The following SNX14 variants were observed in gnomAD, a reference collection of about 807,000 sequenced individuals.
The protein encoded by SNX14 is sorting nexin-14.
SNX14 carries 93 observed loss-of-function variants against 133.8 expected under a neutral mutation model. The observed-to-expected ratio is 0.70, with a 90% CI of 0.59 to 0.83. The LOEUF is 0.83. Ranked by LOEUF, SNX14 falls within the 40% of genes least tolerant of loss-of-function variation. The probability of loss-of-function intolerance (pLI) is 0.00; values close to 1 mark genes in which losing one functional copy is unlikely to be tolerated. For synonymous variants in SNX14, 368 were observed against 365.6 expected (o/e 1.01, Z -0.07); for missense variants, 945 against 1,094.9 (o/e 0.86, Z 1.93).
chr6:85,518,439 T>A (rs1255918869), intron 21 of SNX14, among the ~76,000 whole-genome samples: 1 of 152,122 alleles, frequency 6.6e-6, no homozygotes, highest in East Asian at 1.9e-4. Flanking sequence ...TATGCAAAGG[T>A]CAGTCAAAAA....
intron 18 of SNX14, among the ~76,000 whole-genome samples, chr6:85,530,519 C>T (rs1174007669): frequency 2.0e-5 from 3 of 151,932 alleles, no homozygotes; most frequent in East Asian, 3.9e-4. Flanking sequence ...GTGGCAGGCA[C>T]CTGTAGTCCC....
chr6:85,586,662 C>G (rs151134514), intron 1 of SNX14, among the ~76,000 whole-genome samples: 1 of 152,082 alleles, frequency 6.6e-6, no homozygotes, highest in South Asian at 2.1e-4. Context: ...TTCACTGTAG[C>G]CTTGAACTCT....
At chr6:85,523,444 C>T (rs1777530172) in intron 21 of SNX14, among the ~76,000 whole-genome samples, 1 of 152,140 alleles carries the variant, frequency 6.6e-6, no homozygotes, top group South Asian at 2.1e-4. Context: ...ATGAGTTAGA[C>T]ACCAAATAGG....
chr6:85,539,028 G>A (rs190178590), intron 15 of SNX14, among the ~76,000 whole-genome samples, 164 bp from the exon 16 acceptor site: 1 of 152,268 alleles, frequency 6.6e-6, no homozygotes, highest in Non-Finnish European at 1.5e-5. Context: ...CATGAATAAG[G>A]TGATAAAGGT....
Position 85,547,163 on chromosome 6 carries a change from A to C in SNX14, c.1057T>G (p.Phe353Val). 3 of 1,614,100 alleles carry C rather than the reference A, an allele frequency of 1.9e-6. No individual in the cohort carries two copies. The East Asian group carries it at 6.7e-5, about 36-fold the overall frequency. ...TGCACTGCGCCTTCTTGTTTCAGAA[A>C]GTTCATAAAACGAAATAAAAGATCT... The part of the protein sequence containing the change: ...QQDLLFRFMN[F>V]LKQEGAVHVL... The change falls in exon 12 of 29, where the codon TTT (phenylalanine) becomes GTT (valine). Residue 353 changes from phenylalanine to valine, a missense_variant. Phe to Val is a conservative substitution (Grantham distance 50). Coordinates refer to ENST00000314673, the MANE Select transcript of SNX14 (RefSeq NM_153816.6).
chr6:85,509,969 G>A (rs1367593977), intron 26 of SNX14, among the ~76,000 whole-genome samples: 2 of 152,086 alleles, frequency 1.3e-5, no homozygotes, highest in African/African-American at 4.8e-5. Context: ...TTTTCATGAT[G>A]TGACAGCTCA....
At chr6:85,556,045 A>C (rs1279145739) in intron 7 of SNX14, among the ~76,000 whole-genome samples, 3 of 152,080 alleles carry the variant, frequency 2.0e-5, no homozygotes, top group Non-Finnish European at 4.4e-5. Flanking sequence ...GTTAATAATG[A>C]TGTATCAATA....
chr6:85,545,671 G>A (rs1235663189), intron 12 of SNX14, among the ~76,000 whole-genome samples: 1 of 152,064 alleles, frequency 6.6e-6, no homozygotes, highest in Non-Finnish European at 1.5e-5. Context: ...ACTCAGCAAA[G>A]AACAAACTAC....
intron 1 of SNX14, 45 bp from the exon 2 acceptor site, chr6:85,574,423 T>G: frequency 7.2e-7 from 1 of 1,384,814 alleles, no homozygotes; most frequent in African/African-American, 1.5e-5. Flanking sequence ...AGAAAATGCC[T>G]AATTCTAAGT....
intron 21 of SNX14, among the ~76,000 whole-genome samples, chr6:85,522,286 T>G (rs1471096164): frequency 6.6e-6 from 1 of 152,130 alleles, no homozygotes; most frequent in Non-Finnish European, 1.5e-5. Flanking sequence ...GGTCTACTGA[T>G]TTGGTGTTAT....
rs931734526 is a variant in SNX14 at position 85,537,160 on chromosome 6, T to C, written c.1476-236A>G. ...GATGAATAAATGGGACAATATTTAT[T>C]TATAAACACTCAAAATTTACCTAGT... On this transcript the variant is annotated intron_variant, in intron 16 of 28. Coordinates refer to ENST00000314673, the MANE Select transcript of SNX14 (RefSeq NM_153816.6). 4.6e-4 allele frequency: 163 copies of C among 350,616 alleles called. 1 individual carries two copies. Among genetic ancestry groups the C allele is most frequent in the Non-Finnish European group, 1.6e-4 (32 of 196,512 alleles). 21.7% of individuals were successfully genotyped at this position (350,616 alleles called of 1,614,324 possible). A position where few individuals can be genotyped will look rare whatever the true frequency, so the allele number is the denominator to read the frequency against.
chr6:85,580,895 T>A (rs573385329), intron 1 of SNX14, among the ~76,000 whole-genome samples: 1 of 152,238 alleles, frequency 6.6e-6, no homozygotes, highest in Admixed American at 6.5e-5. Flanking sequence ...CTGGATGGCA[T>A]CTCTGGAACC....
intron 1 of SNX14, chr6:85,589,651 T>C (rs1802194104): frequency 6.6e-6 from 1 of 152,296 alleles, no homozygotes; most frequent in Admixed American, 6.5e-5. Flanking sequence ...GTAAGATCCT[T>C]ATGCTGAAAG....
intron 7 of SNX14, among the ~76,000 whole-genome samples, chr6:85,552,526 C>T (rs865992433): frequency 8.5e-5 from 13 of 152,170 alleles, no homozygotes; most frequent in African/African-American, 3.1e-4. Flanking sequence ...ATTGCAGGCA[C>T]CTAAGCTAGC....
intron 1 of SNX14, among the ~76,000 whole-genome samples, 186 bp from the exon 2 acceptor site, chr6:85,574,564 A>G (rs1796721200): frequency 6.6e-6 from 1 of 152,210 alleles, no homozygotes; most frequent in Non-Finnish European, 1.5e-5. Flanking sequence ...TATCAAATAC[A>G]TATTTCATTT....
rs147772594 is a variant in SNX14 at position 85,542,488 on chromosome 6, G to A, written c.1390-445C>T. ...CGGCTCACTGCAAGCTCCGCCTCCCGGGTTGATGCCATTCTCCTGCCTCAG... is the reference window on the plus strand; with the variant it reads ...CGGCTCACTGCAAGCTCCGCCTCCCAGGTTGATGCCATTCTCCTGCCTCAG... On this transcript the variant is annotated intron_variant, in intron 14 of 28. Transcript: ENST00000314673. 9.7e-3 allele frequency among the ~76,000 whole-genome samples: 1,474 copies of A among 152,204 alleles called. 23 individuals carry two copies. The highest frequency in any genetic ancestry group is 0.033 in the African/African-American group (1,359 of 41,516).
At chr6:85,540,660 GAATT>G (rs1221701061) in intron 15 of SNX14, among the ~76,000 whole-genome samples, 2 of 152,116 alleles carry the variant, frequency 1.3e-5, no homozygotes, top group African/African-American at 2.4e-5. Flanking sequence ...CATTAAATCA[GAATT>G]AATATTCAAC....
At chr6:85,543,783 A>G (rs760912986) in intron 12 of SNX14, 23 bp from the exon 13 acceptor site, 1 of 1,391,162 alleles carries the variant, frequency 7.2e-7, no homozygotes, top group Admixed American at 2.5e-5. Flanking sequence ...GGAATGAATA[A>G]GAAAAAATAA....
At chr6:85,543,867 A>T in intron 12 of SNX14, 107 bp from the exon 13 acceptor site, 1 of 558,076 alleles carries the variant, frequency 1.8e-6, no homozygotes, top group Non-Finnish European at 2.7e-6. Flanking sequence ...AGCAATTAGA[A>T]GCAATCTAAT....
Sources: gnomAD v4.1 joint callset for allele counts (sites outside exome capture counted in the v4.1 genomes callset) on GRCh38, gnomAD v4.1.1 for gene constraint, MANE v1.5 for transcripts, NCBI Gene and HGNC (gene_info 2026-07-23, HGNC 2026-07-21) for gene names.